The following PCDHA3 variants were observed in gnomAD, a reference collection of about 807,000 sequenced individuals.
PCDHA3 encodes protocadherin alpha 3, also known as protocadherin alpha-3.
PCDHA3 carries 41 observed loss-of-function variants against 62.2 expected under a neutral mutation model. The observed-to-expected ratio is 0.66, with a 90% CI of 0.51 to 0.86. The LOEUF is 0.86. Ranked by LOEUF, PCDHA3 falls within the 40% of genes least tolerant of loss-of-function variation. The pLI is 0.00. For synonymous variants in PCDHA3, 640 were observed against 555.4 expected (o/e 1.15, Z -2.14); for missense variants, 1,304 against 1,241.2 (o/e 1.05, Z -0.76).
chr5:140,982,221 A>T, intron 2 of PCDHA3: 1 of 546,340 alleles, frequency 1.8e-6, no homozygotes. Flanking sequence ...ACATGGCGTT[A>T]ATAAAAAACA....
intron 1 of PCDHA3, chr5:140,929,180 G>C (rs782260576): frequency 2.7e-5 from 44 of 1,614,150 alleles, no homozygotes; most frequent in Non-Finnish European, 3.7e-5. Flanking sequence ...CTGGGACTTG[G>C]TTCTGATAAT....
At chr5:140,966,659 G>C in intron 1 of PCDHA3, 5 of 1,217,658 alleles carry the variant, frequency 4.1e-6, no homozygotes, top group Non-Finnish European at 5.3e-6. Context: ...AGCGGTGGGG[G>C]AGCAGGCGCA....
At chr5:140,968,508 A>C (rs977964716) in intron 1 of PCDHA3, 1 of 1,613,950 alleles carries the variant, frequency 6.2e-7, no homozygotes, top group African/African-American at 1.3e-5. Context: ...CACATTCTGT[A>C]CCCTACCTCA....
intron 1 of PCDHA3, among the ~76,000 whole-genome samples, chr5:140,893,945 A>T (rs1293077869): frequency 6.6e-6 from 1 of 152,180 alleles, no homozygotes; most frequent in Non-Finnish European, 1.5e-5. Flanking sequence ...TTAATTCTGC[A>T]TGACTTTATT....
Position 140,803,409 on chromosome 5 carries a change from ACG to A in PCDHA3, c.2214_2215del (p.Leu739GlyfsTer34), listed in dbSNP as rs782534527. 3 of 1,614,086 alleles carry A rather than the reference ACG, an allele frequency of 1.9e-6. No individual in the cohort carries two copies. In the African/African-American group the frequency reaches 4.0e-5, roughly 22 times the overall value. ...TEGDCGPGKP[T>X]LVCSSAVGSW... Reference sequence around the variant, plus strand: ...AGGCGACTGTGGGCCGGGCAAGCCCACGCTGGTGTGCTCCAGCGCGGTGGGGA... The same window carrying A: ...AGGCGACTGTGGGCCGGGCAAGCCCACTGGTGTGCTCCAGCGCGGTGGGGA... On this transcript the variant is annotated frameshift_variant, in exon 1 of 4. Transcript: ENST00000522353. LOFTEE classifies it high-confidence loss of function.
Position 140,962,028 on chromosome 5 carries a change from C to A in PCDHA3, c.2395-16921C>A, listed in dbSNP as rs1046578713. Among the ~76,000 whole-genome samples the A allele has an allele frequency of 5.9e-5, 9 of 152,036 alleles. No individual in the cohort carries two copies. In the South Asian group the frequency reaches 1.7e-3, roughly 28 times the overall value. The stretch of plus-strand genomic sequence containing the variant: ...CTTCCCGAGTAGCTGGGACTACAGG[C>A]ACCCACCACCATGCCTGGCTAATTT... On this transcript the variant is annotated intron_variant, in intron 1 of 3. Transcript: ENST00000522353.
At chr5:140,907,166 A>C (rs2073212277) in intron 1 of PCDHA3, among the ~76,000 whole-genome samples, 2 of 152,174 alleles carry the variant, frequency 1.3e-5, no homozygotes, top group Non-Finnish European at 2.9e-5. Context: ...CATATATTGG[A>C]TGCTGATTCA....
chr5:140,982,300 GCTT>G, intron 2 of PCDHA3, 172 bp from the exon 3 acceptor site: 2 of 1,204,624 alleles, frequency 1.7e-6, no homozygotes, highest in Non-Finnish European at 1.1e-6. Context: ...AGTCAGCAAT[GCTT>G]CTGCAGTTTA....
intron 3 of PCDHA3, among the ~76,000 whole-genome samples, chr5:140,988,674 T>C (rs1221039125): frequency 1.3e-5 from 2 of 152,240 alleles, no homozygotes; most frequent in Non-Finnish European, 2.9e-5. Context: ...GACTCTAAGA[T>C]AATTCTTTCC....
Position 140,968,743 on chromosome 5 carries a change from C to T in PCDHA3, c.2395-10206C>T, listed in dbSNP as rs112674082. On this transcript the variant is annotated intron_variant, in intron 1 of 3. Coordinates refer to ENST00000522353, the MANE Select transcript of PCDHA3 (RefSeq NM_018906.3). ...AGAGTGGTAGCACTTTCAACCTGAC[C>T]GTGGTGGTCCGAGATAATGGAGAGC... is the stretch of plus-strand genomic sequence containing the variant. The T allele has an allele frequency of 3.4e-5, 55 of 1,614,060 alleles. No individual in the cohort carries two copies. In the African/African-American group the frequency reaches 5.1e-4, roughly 15 times the overall value.
At position 140,841,259 on chromosome 5, in the gene PCDHA3, G is replaced by T. The variant is rs1777115854; in HGVS notation, c.2394+37668G>T. 3.3e-6 allele frequency: 5 copies of T among 1,517,592 alleles called. No homozygotes were observed. In the South Asian group the frequency reaches 6.6e-5, roughly 20 times the overall value. 94.0% of individuals were successfully genotyped at this position (1,517,592 alleles called of 1,614,324 possible). ...CAGCGGAATTGGATTAAAAGACTCT[G>T]AAAGTACAGTCGTTCATCTTTATAT... On this transcript the variant is annotated intron_variant, in intron 1 of 3. Transcript: ENST00000522353.
At chr5:140,878,556 A>G (rs959852623) in intron 1 of PCDHA3, among the ~76,000 whole-genome samples, 3 of 152,156 alleles carry the variant, frequency 2.0e-5, no homozygotes, top group East Asian at 3.8e-4. Context: ...GATGATCCCA[A>G]ACTTATCATA....
At chr5:141,008,843 G>A (rs1474787733) in intron 3 of PCDHA3, among the ~76,000 whole-genome samples, 7 of 152,114 alleles carry the variant, frequency 4.6e-5, no homozygotes, top group Non-Finnish European at 1.0e-4. Context: ...CTTACGCTGT[G>A]TATTCCCATC....
intron 1 of PCDHA3, among the ~76,000 whole-genome samples, chr5:140,954,472 G>T (rs1031225118): frequency 8.5e-5 from 13 of 152,182 alleles, no homozygotes; most frequent in Admixed American, 6.5e-5. Context: ...TCTGACTGGT[G>T]TGAGAAGATA....
intron 1 of PCDHA3, chr5:140,836,852 AT>A: frequency 2.5e-6 from 2 of 810,938 alleles, no homozygotes; most frequent in Non-Finnish European, 3.8e-6. Flanking sequence ...TATAATTATT[AT>A]TTTTTAATGT....
At chr5:140,834,407 C>T (rs1554134157) in intron 1 of PCDHA3, 1 of 1,609,944 alleles carries the variant, frequency 6.2e-7, no homozygotes, top group East Asian at 2.2e-5. Context: ...ATGGATACGA[C>T]CCAGGGGGCC....
At chr5:140,954,183 A>T (rs246025) in intron 1 of PCDHA3, among the ~76,000 whole-genome samples, 85,732 of 152,134 alleles carry the variant, frequency 0.56, 24,791 homozygotes, top group African/African-American at 0.69. Flanking sequence ...CCAGTCTATC[A>T]TTGATGGGCA....
chr5:140,819,776 A>G (rs1273499096), intron 1 of PCDHA3, among the ~76,000 whole-genome samples: 1 of 152,090 alleles, frequency 6.6e-6, no homozygotes, highest in Non-Finnish European at 1.5e-5. Context: ...AAATATCTAT[A>G]TAAGTACATG....
intron 1 of PCDHA3, chr5:140,866,520 T>C (rs1294227332): frequency 6.6e-6 from 1 of 152,150 alleles, no homozygotes; most frequent in Non-Finnish European, 1.5e-5. Context: ...GACTAAGCCA[T>C]GATAGAGCAG....
Sources: gnomAD v4.1 joint callset for allele counts (sites outside exome capture counted in the v4.1 genomes callset) on GRCh38, gnomAD v4.1.1 for gene constraint, MANE v1.5 for transcripts, NCBI Gene and HGNC (gene_info 2026-07-23, HGNC 2026-07-21) for gene names.